Variants in GREP1 observed in about 807,000 individuals in gnomAD.
GREP1 encodes the protein glycine-rich extracellular protein 1.
chr16:2,997,628 C>T (rs2072432732), intron 22 of GREP1, among the ~76,000 whole-genome samples, 175 bp from the exon 21 acceptor site: 2 of 152,182 alleles, frequency 1.3e-5, no homozygotes, highest in Admixed American at 6.5e-5. Context: ...CTCCAGCCCC[C>T]TTCTGTACCC....
chr16:2,998,912 G>C, exon 26 of GREP1: 1 of 399,134 alleles, frequency 2.5e-6, no homozygotes, highest in Non-Finnish European at 4.4e-6. Context: ...GGGTCCCTTC[G>C]GACAAAGAGG....
At chr16:2,996,388 C>T in intron 18 of GREP1, 108 bp from the exon 18 acceptor site, 1 of 397,970 alleles carries the variant, frequency 2.5e-6, no homozygotes, top group Non-Finnish European at 4.4e-6. Flanking sequence ...GAGGGGGAGC[C>T]AGGCCCCCTC....
At chr16:3,001,451 G>A (rs1018916447) in intron 34 of GREP1, 110 bp from the exon 29 acceptor site, 13 of 399,104 alleles carry the variant, frequency 3.3e-5, no homozygotes, top group African/African-American at 2.3e-4. Context: ...GCCACCTGTA[G>A]GTGGCTGCTG....
Position 2,989,886 on chromosome 16 carries a change from G to T in GREP1, c.131-88G>T, listed in dbSNP as rs2151089393. The T allele has an allele frequency of 2.0e-5, 8 of 398,914 alleles. No individual in the cohort carries two copies. Among genetic ancestry groups the T allele is most frequent in the Non-Finnish European group, 8.8e-6 (2 of 226,058 alleles). The allele number at this position is 398,914 out of a possible 1,614,324, so 24.7% of individuals were successfully genotyped here. A position where few individuals can be genotyped will look rare whatever the true frequency, so the allele number is the denominator to read the frequency against. ...ATGGGAAGGGACTGAGTTCCCACAG[G>T]CCCACTGCTTGGATAGGCTGTGGGC... On this transcript the variant is annotated intron_variant, in intron 3 of 34. Coordinates refer to ENST00000573315, the Ensembl canonical transcript of GREP1. The surrounding 1 kb of genome is among the most constrained non-coding windows in gnomAD (Gnocchi z 4.2).
At chr16:2,996,433 T>C (rs757637021) in intron 18 of GREP1, 63 bp from the exon 18 acceptor site, 115 of 398,590 alleles carry the variant, frequency 2.9e-4, no homozygotes, top group Admixed American at 4.8e-4. Context: ...TCTCTAGGGC[T>C]GCGTCCTCCT....
Position 3,001,640 on chromosome 16 carries a change from C to T in GREP1, c.*54C>T, listed in dbSNP as rs114453211. The T allele has an allele frequency of 8.9e-4, 356 of 399,144 alleles. 5 individuals are homozygous for T. The highest frequency in any genetic ancestry group is 6.9e-3 in the African/African-American group (335 of 48,768). The allele number at this position is 399,144 out of a possible 1,614,324, so 24.7% of individuals were successfully genotyped here. ...AAGGAAGACAGACCCTTGGGCTTGG[C>T]CTCTGGTGCTGCCTGGCCGGGGGTC... On this transcript the variant is annotated 3_prime_UTR_variant, in exon 35 of 35. Transcript: ENST00000573315.
chr16:2,996,572 G>A (rs1311245814), intron 19 of GREP1, 41 bp downstream of exon 18: 2 of 399,274 alleles, frequency 5.0e-6, no homozygotes, highest in Non-Finnish European at 8.8e-6. Context: ...GTCGGGAGGT[G>A]GGACGGGAAG....
Position 2,991,371 on chromosome 16 carries a change from T to G in GREP1, c.322+270T>G, listed in dbSNP as rs2072398470. On this transcript the variant is annotated intron_variant, in intron 8 of 34. Transcript: ENST00000573315. The surrounding 1 kb of genome is among the most constrained non-coding windows in gnomAD (Gnocchi z 4.9). ...ACCGCTCATGGCCCTCACCAATGTC[T>G]CCCCAGGATTGGGGAGCAGAAGTGG... 1 of 346,754 alleles carries G rather than the reference T, an allele frequency of 2.9e-6. No individual in the cohort carries two copies. The highest frequency in any genetic ancestry group is 2.1e-5 in the African/African-American group (1 of 47,292). The allele number at this position is 346,754 out of a possible 1,614,324, so 21.5% of individuals were successfully genotyped here.
At chr16:2,990,251 G>C (rs116984883) in intron 5 of GREP1, 129 bp downstream of exon 5, 4 of 397,836 alleles carry the variant, frequency 1.0e-5, no homozygotes, top group East Asian at 3.6e-5. Context: ...TAGTCCAAGG[G>C]GGGGTTCAAG....
exon 35 of GREP1, chr16:3,001,610 C>A (rs2072462617): frequency 2.5e-6 from 1 of 399,064 alleles, no homozygotes; most frequent in African/African-American, 2.1e-5. Context: ...CCTCGCCTGC[C>A]CAGCAAGGAA....
chr16:2,991,352 C>T lies in GREP1; in HGVS notation c.322+251C>T. 1 of 373,154 alleles carries T rather than the reference C, an allele frequency of 2.7e-6. No individual in the cohort carries two copies. Among genetic ancestry groups the T allele is most frequent in the Non-Finnish European group, 4.7e-6 (1 of 210,570 alleles). 23.1% of individuals were successfully genotyped at this position (373,154 alleles called of 1,614,324 possible). A position where few individuals can be genotyped will look rare whatever the true frequency, so the allele number is the denominator to read the frequency against. On this transcript the variant is annotated intron_variant, in intron 8 of 34. Transcript: ENST00000573315. This position sits in a 1 kb window ranked among gnomAD's most constrained non-coding sequence, Gnocchi z 4.9. ...CCTCAAGCCTGCCCACCCCACCGCT[C>T]ATGGCCCTCACCAATGTCTCCCCAG...
Position 2,994,841 on chromosome 16 carries a change from G to A in GREP1, c.448+3G>A, listed in dbSNP as rs1431269110. 2.5e-6 allele frequency: 1 copy of A among 399,124 alleles called. No homozygotes were observed. The highest frequency in any genetic ancestry group is 2.1e-5 in the African/African-American group (1 of 48,632). The allele number at this position is 399,124 out of a possible 1,614,324, so 24.7% of individuals were successfully genotyped here. On this transcript the variant is annotated splice_donor_region_variant and intron_variant, in intron 12 of 34. Coordinates refer to ENST00000573315, the Ensembl canonical transcript of GREP1. ...GGCCGTCAAACCCCAGAAGCCAGGT[G>A]AGCCCTGCCCCGGCCTGTCCCTCTG...
intron 29 of GREP1, 65 bp downstream of exon 26, chr16:3,000,183 A>C: frequency 2.5e-6 from 1 of 399,246 alleles, no homozygotes; most frequent in Non-Finnish European, 4.4e-6. Flanking sequence ...TGCCTGAGTC[A>C]GTCTGTCTGT....
chr16:2,992,542 A>G lies in GREP1; in HGVS notation c.323-263A>G, dbSNP rs2151093548. 1 of 330,182 alleles carries G rather than the reference A, an allele frequency of 3.0e-6. No homozygotes were observed. Among genetic ancestry groups the G allele is most frequent in the South Asian group, 1.6e-4 (1 of 6,424 alleles). 20.5% of individuals were successfully genotyped at this position (330,182 alleles called of 1,614,324 possible). ...TCTTGGGGGTTCATTCATTCACCCA[A>G]TCTCCCCTGAGCACCCGTCCCAAGC... On this transcript the variant is annotated intron_variant, in intron 8 of 34. Coordinates refer to ENST00000573315, the Ensembl canonical transcript of GREP1. This position sits in a 1 kb window ranked among gnomAD's most constrained non-coding sequence, Gnocchi z 4.9.
Position 2,998,491 on chromosome 16 carries a change from C to T in GREP1, c.983-3C>T. 1 of 399,210 alleles carries T rather than the reference C, an allele frequency of 2.5e-6. No homozygotes were observed. The allele number at this position is 399,210 out of a possible 1,614,324, so 24.7% of individuals were successfully genotyped here. On this transcript the variant is annotated splice_polypyrimidine_tract_variant and splice_region_variant and intron_variant, in intron 24 of 34. Transcript: ENST00000573315. ...CACACTCATCTCTGCTTTCCCTCTC[C>T]AGGACACGGCCATGAAAATGGGCCC...
At position 3,001,468 on chromosome 16, in the gene GREP1, T is replaced by C. The variant is rs149642435; in HGVS notation, c.1586-93T>C. On this transcript the variant is annotated intron_variant, in intron 34 of 34. Coordinates refer to ENST00000573315, the Ensembl canonical transcript of GREP1. ...CACCTGTAGGTGGCTGCTGAGTGAC[T>C]GACCCCAGAAGCTCAGGTCCCTGGG... 2.4e-3 allele frequency: 967 copies of C among 399,104 alleles called. 4 individuals carry two copies. The highest frequency in any genetic ancestry group is 0.02 in the East Asian group (560 of 28,064). The allele number at this position is 399,104 out of a possible 1,614,324, so 24.7% of individuals were successfully genotyped here.
At chr16:2,988,663 C>A (rs1458637351) in intron 2 of GREP1, 41 bp downstream of exon 2, 1 of 398,990 alleles carries the variant, frequency 2.5e-6, no homozygotes, top group African/African-American at 2.1e-5. Context: ...AAGAGTCTCC[C>A]ATCTCTCCTG....
rs1003472202 is a variant in GREP1 at position 2,991,277 on chromosome 16, G to A, written c.322+176G>A. 4 of 395,740 alleles carry A rather than the reference G, an allele frequency of 1.0e-5. No individual in the cohort carries two copies. The highest frequency in any genetic ancestry group is 3.6e-5 in the East Asian group (1 of 27,950). The allele number at this position is 395,740 out of a possible 1,614,324, so 24.5% of individuals were successfully genotyped here. On this transcript the variant is annotated intron_variant, in intron 8 of 34. Transcript: ENST00000573315. The surrounding 1 kb of genome is among the most constrained non-coding windows in gnomAD (Gnocchi z 4.9). ...GCGTGAAACCTCCGAAGCCAGGTGA[G>A]GCAGAGCCCTGCCCCGCCTTGCCCA...
chr16:2,991,441 A>T lies in GREP1; in HGVS notation c.322+340A>T. 4.2e-6 allele frequency: 1 copy of T among 236,520 alleles called. No individual in the cohort carries two copies. Among genetic ancestry groups the T allele is most frequent in the East Asian group, 8.0e-5 (1 of 12,578 alleles). The allele number at this position is 236,520 out of a possible 1,614,324, so 14.7% of individuals were successfully genotyped here. ...CCAGGGGCAGGAACCCCACCAGGTG[A>T]GGGTGGCTGGGCAGGGGCCGCAGGG... On this transcript the variant is annotated intron_variant, in intron 8 of 34. Coordinates refer to ENST00000573315, the Ensembl canonical transcript of GREP1. This position sits in a 1 kb window ranked among gnomAD's most constrained non-coding sequence, Gnocchi z 4.9.
Sources: gnomAD v4.1 joint callset for allele counts (sites outside exome capture counted in the v4.1 genomes callset) on GRCh38, gnomAD v4.1.1 for gene constraint, Gnocchi (gnomAD v3.1) non-coding constraint, MANE v1.5 for transcripts, NCBI Gene and HGNC (gene_info 2026-07-23, HGNC 2026-07-21) for gene names.